Variants in JAKMIP3 observed in about 807,000 individuals in gnomAD.
The protein encoded by JAKMIP3 is Janus kinase and microtubule interacting protein 3.
JAKMIP3 carries 58 observed loss-of-function variants against 118.5 expected under a neutral mutation model. That is an observed-to-expected ratio of 0.49 (90% confidence interval 0.40 to 0.61). JAKMIP3 has a LOEUF of 0.61. Among genes scored for constraint, JAKMIP3 ranks in the 20% least tolerant of loss-of-function variants. The pLI, the probability that JAKMIP3 is intolerant of heterozygous loss-of-function variation, is 0.00. For missense variants in JAKMIP3, 950 were observed against 1,109.0 expected, an observed-to-expected ratio of 0.86 and a Z score of 2.04; for synonymous variants, 486 against 451.2, an observed-to-expected ratio of 1.08 and a Z score of -0.98.
At position 132,134,057 on chromosome 10, in the gene JAKMIP3, G is replaced by A. The variant is rs149596173; in HGVS notation, c.849+530G>A. ...GCCACTCTGCGCTCCTCCCTGGGCC[G>A]CTCTGTCGTGTGGGGTCTGCCGACC... is the stretch of plus-strand genomic sequence containing the variant. On this transcript the variant is annotated intron_variant, in intron 4 of 23. Transcript: ENST00000684848. Among the ~76,000 whole-genome samples the A allele has an allele frequency of 1.5e-3, 223 of 152,346 alleles. 2 individuals carry two copies. In the East Asian group the frequency reaches 0.035, roughly 24 times the overall value.
At chr10:132,111,657 G>A (rs186950265) in intron 2 of JAKMIP3, among the ~76,000 whole-genome samples, 42 of 152,224 alleles carry the variant, frequency 2.8e-4, no homozygotes, top group African/African-American at 8.9e-4. Flanking sequence ...TCCCTGGACC[G>A]CTGGGCATCC....
At chr10:132,037,047 C>G (rs915030363) in intron 1 of JAKMIP3, among the ~76,000 whole-genome samples, 5 of 152,214 alleles carry the variant, frequency 3.3e-5, no homozygotes, top group African/African-American at 1.2e-4. Context: ...ACCCGCATCT[C>G]CGTGTCTCCG....
chr10:132,055,345 A>G (rs1384860105), intron 1 of JAKMIP3, among the ~76,000 whole-genome samples: 2 of 152,244 alleles, frequency 1.3e-5, no homozygotes, highest in Admixed American at 6.5e-5. Context: ...GATGACATGC[A>G]GAGTTCATGC....
intron 23 of JAKMIP3, among the ~76,000 whole-genome samples, chr10:132,176,841 T>G (rs2060182928): frequency 6.6e-6 from 1 of 151,812 alleles, no homozygotes; most frequent in Non-Finnish European, 1.5e-5. Flanking sequence ...TCCTGTGGAG[T>G]CTCCGGATGC....
intron 1 of JAKMIP3, among the ~76,000 whole-genome samples, chr10:132,094,450 T>C (rs1159669911): frequency 6.6e-6 from 1 of 152,102 alleles, no homozygotes; most frequent in Non-Finnish European, 1.5e-5. Flanking sequence ...CCATGGGGTG[T>C]TCCCTTGATG....
At chr10:132,124,250 G>A (rs548041083) in intron 3 of JAKMIP3, among the ~76,000 whole-genome samples, 1 of 152,108 alleles carries the variant, frequency 6.6e-6, no homozygotes, top group East Asian at 1.9e-4. Context: ...CAGCCGAGCC[G>A]GCCACATCAC....
intron 1 of JAKMIP3, among the ~76,000 whole-genome samples, chr10:132,040,097 A>AC (rs1212294250): frequency 2.0e-5 from 3 of 151,980 alleles, no homozygotes; most frequent in African/African-American, 4.8e-5. Flanking sequence ...TTGCGCTCTG[A>AC]CCCCCAATGT....
chr10:132,102,290 C>T (rs1346332324), intron 1 of JAKMIP3, among the ~76,000 whole-genome samples: 1 of 152,140 alleles, frequency 6.6e-6, no homozygotes, highest in Non-Finnish European at 1.5e-5. Flanking sequence ...GGCGAGCACC[C>T]TCTCCTTTGT....
Position 132,164,411 on chromosome 10 carries a change from C to T in JAKMIP3, c.2425-259C>T, listed in dbSNP as rs144948461. ...TCCTACCATTTCCCTGGCTGTCAGGCGTTGTGCTTTCTGAGTTGAAGTTGC... is the reference window on the plus strand; with the variant it reads ...TCCTACCATTTCCCTGGCTGTCAGGTGTTGTGCTTTCTGAGTTGAAGTTGC... On this transcript the variant is annotated intron_variant, in intron 20 of 23. Transcript: ENST00000684848. Among the ~76,000 whole-genome samples, 1,286 of 152,354 alleles carry T rather than the reference C, an allele frequency of 8.4e-3. 11 individuals are homozygous for T. Among genetic ancestry groups the T allele is most frequent in the Middle Eastern group, 0.024 (7 of 294 alleles).
At chr10:132,089,178 C>T (rs1386391918) in intron 1 of JAKMIP3, among the ~76,000 whole-genome samples, 3 of 150,662 alleles carry the variant, frequency 2.0e-5, no homozygotes, top group Non-Finnish European at 4.5e-5. Flanking sequence ...TTAGGGTTGT[C>T]TTGGCAATGC....
At chr10:132,050,885 T>C (rs1016302520) in intron 1 of JAKMIP3, among the ~76,000 whole-genome samples, 12 of 152,248 alleles carry the variant, frequency 7.9e-5, no homozygotes, top group African/African-American at 2.6e-4. Flanking sequence ...GGTGAGTGGG[T>C]ACCTGCCTGT....
intron 23 of JAKMIP3, among the ~76,000 whole-genome samples, chr10:132,176,115 C>G (rs1005060404): frequency 6.6e-6 from 1 of 152,242 alleles, no homozygotes; most frequent in Admixed American, 6.5e-5. Context: ...ACCATGTTCC[C>G]TGCAGGATCT....
intron 1 of JAKMIP3, among the ~76,000 whole-genome samples, chr10:132,089,267 G>A (rs1392136554): frequency 1.3e-5 from 2 of 152,090 alleles, no homozygotes; most frequent in East Asian, 3.9e-4. Flanking sequence ...AGCTTGATGG[G>A]GATGGCATTG....
chr10:132,064,178 A>G (rs528555520), upstream of JAKMIP3, among the ~76,000 whole-genome samples: 7 of 152,238 alleles, frequency 4.6e-5, no homozygotes, highest in East Asian at 1.2e-3. This position sits in a 1 kb window ranked among gnomAD's most constrained non-coding sequence, Gnocchi z 4.4. Context: ...ATTCCCTGTT[A>G]TATTATGGAC....
Position 132,133,351 on chromosome 10 carries a change from C to A in JAKMIP3, c.673C>A (p.Leu225Met), listed in dbSNP as rs936668518. The A allele has an allele frequency of 1.9e-6, 3 of 1,600,860 alleles. No individual in the cohort carries two copies. Among genetic ancestry groups the A allele is most frequent in the Admixed American group, 1.7e-5 (1 of 58,078 alleles). Residue 225 changes from leucine (L) to methionine (M), a missense_variant, in exon 4 of 24, where the codon CTG (leucine) becomes ATG (methionine). Transcript: ENST00000684848. Reference protein sequence around the residue: ...IKFKDRAVFVLERELGVQAGH... With the variant: ...IKFKDRAVFVMERELGVQAGH... The stretch of plus-strand genomic sequence containing the variant: ...ATTTAAAGACAGAGCAGTCTTCGTG[C>A]TGGAGAGAGAGTTAGGGGTTCAAGC...
rs533648069 is a variant in JAKMIP3 at position 132,091,588 on chromosome 10, T to A, written c.-137-13084T>A. 1.2e-3 allele frequency among the ~76,000 whole-genome samples: 180 copies of A among 152,314 alleles called. 1 individual carries two copies. Among genetic ancestry groups the A allele is most frequent in the Non-Finnish European group, 2.3e-3 (154 of 68,016 alleles). On this transcript the variant is annotated intron_variant, in intron 1 of 23. Coordinates refer to ENST00000684848, the MANE Select transcript of JAKMIP3 (RefSeq NM_001323087.2). ...AAGTCTGTTTTATCAGAGACTAGGA[T>A]TGCAACCCCTGCTTTTTTTGTTTTC...
chr10:132,123,306 C>T (rs182087152), intron 3 of JAKMIP3, among the ~76,000 whole-genome samples: 1 of 152,328 alleles, frequency 6.6e-6, no homozygotes, highest in Non-Finnish European at 1.5e-5. Flanking sequence ...GCAGCTACTG[C>T]ATGCACGCTC....
intron 1 of JAKMIP3, among the ~76,000 whole-genome samples, chr10:132,051,127 T>C (rs1473116201): frequency 7.1e-6 from 1 of 140,212 alleles, no homozygotes; most frequent in African/African-American, 2.7e-5. Context: ...GGTGAGTGGG[T>C]ACCTGCCTGT....
chr10:132,184,324 T>C lies in JAKMIP3; in HGVS notation c.*3071T>C, dbSNP rs750749515. 6.6e-6 allele frequency: 1 copy of C among 152,210 alleles called. No homozygotes were observed. The highest frequency in any genetic ancestry group is 2.4e-5 in the African/African-American group (1 of 41,444). 9.4% of individuals were successfully genotyped at this position (152,210 alleles called of 1,614,324 possible). A position where few individuals can be genotyped will look rare whatever the true frequency, so the allele number is the denominator to read the frequency against. ...TTACAGGGCTTGTGAACACCGATAC[T>C]AGAAGTCAAAAAGAAGAGAGTGCCC... is the stretch of plus-strand genomic sequence containing the variant. On this transcript the variant is annotated 3_prime_UTR_variant, in exon 24 of 24. Transcript: ENST00000684848.
Sources: gnomAD v4.1 joint callset for allele counts (sites outside exome capture counted in the v4.1 genomes callset) on GRCh38, gnomAD v4.1.1 for gene constraint, Gnocchi (gnomAD v3.1) non-coding constraint, MANE v1.5 for transcripts, NCBI Gene and HGNC (gene_info 2026-07-23, HGNC 2026-07-21) for gene names.